The following RASGRF2 variants were observed in gnomAD, a reference collection of about 807,000 sequenced individuals.
The protein encoded by RASGRF2 is ras-specific guanine nucleotide-releasing factor 2.
In RASGRF2, 76 loss-of-function variants were observed where a neutral mutation model predicts 151.0. The observed-to-expected ratio is 0.50, with a 90% CI of 0.42 to 0.61. The LOEUF (loss-of-function observed/expected upper bound fraction) is 0.61, where lower values mean the gene tolerates loss of function less well. RASGRF2 is among the 20% of genes least tolerant of loss of function. RASGRF2 has a pLI of 0.00. For missense variants in RASGRF2, 1,148 were observed against 1,564.6 expected, an observed-to-expected ratio of 0.73 and a Z score of 4.49; for synonymous variants, 504 against 566.5, an observed-to-expected ratio of 0.89 and a Z score of 1.57.
At chr5:80,970,516 G>A (rs1344046984) in intron 1 of RASGRF2, among the ~76,000 whole-genome samples, 1 of 151,750 alleles carries the variant, frequency 6.6e-6, no homozygotes, top group Non-Finnish European at 1.5e-5. Context: ...ATCCCCGTTT[G>A]CCTTCTCACT....
rs573784274 is a variant in RASGRF2 at position 81,029,832 on chromosome 5, G to T, written c.289-13045G>T. 4.1e-3 allele frequency among the ~76,000 whole-genome samples: 624 copies of T among 152,300 alleles called. 6 individuals are homozygous for T. Among genetic ancestry groups the T allele is most frequent in the African/African-American group, 0.01 (418 of 41,568 alleles). On this transcript the variant is annotated intron_variant, in intron 1 of 26. Coordinates refer to ENST00000265080, the MANE Select transcript of RASGRF2 (RefSeq NM_006909.3). ...GAGTTGAGAGAAGAAGGCTTCAGAC[G>T]ACTGGTAATAACAAACTTCTCCGAG...
intron 13 of RASGRF2, among the ~76,000 whole-genome samples, 189 bp downstream of exon 13, chr5:81,109,267 G>A (rs2112536654): frequency 6.6e-6 from 1 of 152,270 alleles, no homozygotes; most frequent in South Asian, 2.1e-4. Flanking sequence ...CACATTCACA[G>A]TTTATTAACT....
At chr5:81,044,183 T>C (rs1480096158) in intron 2 of RASGRF2, among the ~76,000 whole-genome samples, 1 of 152,064 alleles carries the variant, frequency 6.6e-6, no homozygotes, top group Admixed American at 6.5e-5. Flanking sequence ...TTTGGGAGGC[T>C]GAAGTGGGCA....
intron 1 of RASGRF2, among the ~76,000 whole-genome samples, chr5:80,978,074 C>T (rs1748183457): frequency 6.6e-6 from 1 of 152,050 alleles, no homozygotes. Flanking sequence ...TGATTTCTTT[C>T]TGGTACGTAA....
At chr5:81,126,666 C>T (rs114369230) in intron 16 of RASGRF2, among the ~76,000 whole-genome samples, 2,472 of 152,296 alleles carry the variant, frequency 0.016, 78 homozygotes, top group African/African-American at 0.056. Flanking sequence ...TAATATGTGA[C>T]CTTTTGTGAT....
chr5:81,101,950 G>A (rs769947494), intron 12 of RASGRF2, among the ~76,000 whole-genome samples: 6 of 152,142 alleles, frequency 3.9e-5, no homozygotes, highest in East Asian at 3.8e-4. Context: ...AGTTTAAAAC[G>A]TTTATCTCAA....
intron 1 of RASGRF2, among the ~76,000 whole-genome samples, chr5:80,991,952 G>A (rs1033473835): frequency 3.3e-5 from 5 of 152,102 alleles, no homozygotes; most frequent in African/African-American, 1.2e-4. Context: ...GCATGGACAA[G>A]GGAATAATGA....
intron 1 of RASGRF2, among the ~76,000 whole-genome samples, chr5:81,023,692 T>C (rs1749908936): frequency 6.6e-6 from 1 of 152,232 alleles, no homozygotes; most frequent in Non-Finnish European, 1.5e-5. Flanking sequence ...GCTAATGTAA[T>C]TGCCTTGCTG....
In RASGRF2 at chr5:81,224,340, A is replaced by C. The variant is rs187056832; in HGVS notation, c.3622-1338A>C. Reference sequence around the variant, plus strand: ...TATAGGAAAACAGGTACTGTCATGTACTGTAGGTGCGGAAGCTTTGCAGGT... The same window carrying C: ...TATAGGAAAACAGGTACTGTCATGTCCTGTAGGTGCGGAAGCTTTGCAGGT... On this transcript the variant is annotated intron_variant, in intron 26 of 26. Coordinates refer to ENST00000265080, the MANE Select transcript of RASGRF2 (RefSeq NM_006909.3). Among the ~76,000 whole-genome samples the C allele has an allele frequency of 2.0e-5, 3 of 152,372 alleles. No individual in the cohort carries two copies. In the East Asian group the frequency reaches 5.8e-4, roughly 29 times the overall value.
intron 18 of RASGRF2, among the ~76,000 whole-genome samples, chr5:81,193,497 T>G (rs992326092): frequency 1.3e-5 from 2 of 152,164 alleles, no homozygotes; most frequent in African/African-American, 4.8e-5. Flanking sequence ...AAGTCACTGA[T>G]AGCTGCTTTT....
intron 1 of RASGRF2, among the ~76,000 whole-genome samples, chr5:81,023,558 C>G (rs946994397): frequency 1.4e-5 from 2 of 144,216 alleles, no homozygotes; most frequent in African/African-American, 5.1e-5. Flanking sequence ...CATGCAGAGG[C>G]AGTGTTTGAT....
chr5:81,097,954 G>C (rs1450264742), intron 12 of RASGRF2, among the ~76,000 whole-genome samples: 1 of 152,228 alleles, frequency 6.6e-6, no homozygotes, highest in East Asian at 1.9e-4. Flanking sequence ...TGTGGCTGCT[G>C]TGTTGAGGAT....
intron 18 of RASGRF2, among the ~76,000 whole-genome samples, chr5:81,182,344 G>C (rs1754934901): frequency 6.6e-6 from 1 of 152,202 alleles, no homozygotes; most frequent in South Asian, 2.1e-4. Context: ...GCATGAGTGG[G>C]CCTCAGGGCT....
At chr5:81,121,919 G>T (rs1052549956) in intron 15 of RASGRF2, among the ~76,000 whole-genome samples, 2 of 152,224 alleles carry the variant, frequency 1.3e-5, no homozygotes, top group Non-Finnish European at 2.9e-5. Context: ...CACAGCACTA[G>T]TGTCTGTTTC....
rs57429884 is a variant in RASGRF2, at chr5:81,147,966, G to A, written c.2686+20803G>A. ...AGTCCCCTTTAGAGGCAGGCACTAAGTGCATACGGTCTCAGCAGAGGTTAG... is the reference window on the plus strand; with the variant it reads ...AGTCCCCTTTAGAGGCAGGCACTAAATGCATACGGTCTCAGCAGAGGTTAG... On this transcript the variant is annotated intron_variant, in intron 17 of 26. Transcript: ENST00000265080. Among the ~76,000 whole-genome samples the A allele has an allele frequency of 3.8e-3, 576 of 152,322 alleles. 4 individuals are homozygous for A. Among genetic ancestry groups the A allele is most frequent in the African/African-American group, 0.013 (541 of 41,566 alleles).
intron 17 of RASGRF2, among the ~76,000 whole-genome samples, chr5:81,159,517 A>G (rs561936812): frequency 1.3e-5 from 2 of 152,354 alleles, no homozygotes; most frequent in East Asian, 3.9e-4. Flanking sequence ...CAGAAACAGT[A>G]AATCTATAAA....
chr5:81,073,740 T>C (rs924609596), intron 5 of RASGRF2, among the ~76,000 whole-genome samples: 1 of 152,170 alleles, frequency 6.6e-6, no homozygotes, highest in African/African-American at 2.4e-5. Context: ...TGCCTCAGCC[T>C]CCCAAGTAGC....
chr5:81,079,778 C>T (rs561379373), intron 5 of RASGRF2, among the ~76,000 whole-genome samples: 1 of 152,130 alleles, frequency 6.6e-6, no homozygotes, highest in African/African-American at 2.4e-5. Context: ...TATCTAGAAT[C>T]ACATATGAAG....
chr5:80,996,253 A>C (rs1234903714), intron 1 of RASGRF2, among the ~76,000 whole-genome samples: 3 of 152,070 alleles, frequency 2.0e-5, no homozygotes, highest in Non-Finnish European at 4.4e-5. Flanking sequence ...TAACCACATA[A>C]ACTGTAAAAT....
Sources: gnomAD v4.1 joint callset for allele counts (sites outside exome capture counted in the v4.1 genomes callset) on GRCh38, gnomAD v4.1.1 for gene constraint, MANE v1.5 for transcripts, NCBI Gene and HGNC (gene_info 2026-07-23, HGNC 2026-07-21) for gene names.